Variants in ARHGAP32 observed in about 807,000 individuals in gnomAD.
ARHGAP32 encodes the protein Rho GTPase activating protein 32.
In ARHGAP32, 51 loss-of-function variants were observed where a neutral mutation model predicts 186.5. The observed-to-expected ratio is 0.27, with a 90% confidence interval of 0.22 to 0.35. The LOEUF is 0.35. Ranked by LOEUF, ARHGAP32 falls within the 10% of genes least tolerant of loss-of-function variation. The pLI is 1.00. For missense variants in ARHGAP32, 2,186 were observed against 2,623.5 expected, an observed-to-expected ratio of 0.83 and a Z score of 3.64; for synonymous variants, 950 against 964.3, an observed-to-expected ratio of 0.99 and a Z score of 0.27.
In ARHGAP32 at chr11:129,228,128, G is replaced by A. The variant is rs535574935; in HGVS notation, c.-5+51018C>T. 3.9e-3 allele frequency among the ~76,000 whole-genome samples: 586 copies of A among 151,988 alleles called. 2 individuals are homozygous for A. Among genetic ancestry groups the A allele is most frequent in the African/African-American group, 0.014 (560 of 41,480 alleles). On this transcript the variant is annotated intron_variant, in intron 1 of 6. Coordinates refer to the ARHGAP32 transcript ENST00000525234. ...AAATTAAACTCACTCCTAAATAATA[G>A]GTCAAAAAAGAATTCAGATGGGAAA...
At chr11:129,143,885 T>C (rs1943114089) in intron 2 of ARHGAP32, among the ~76,000 whole-genome samples, 1 of 152,180 alleles carries the variant, frequency 6.6e-6, no homozygotes, top group Non-Finnish European at 1.5e-5. Flanking sequence ...ATCAAGTACA[T>C]ATGTACTAGA....
intron 1 of ARHGAP32, among the ~76,000 whole-genome samples, chr11:129,166,398 A>G (rs1943641765): frequency 6.6e-6 from 1 of 152,120 alleles, no homozygotes; most frequent in African/African-American, 2.4e-5. Context: ...CAAACTAAAG[A>G]TTCAAAGAAA....
intron 6 of ARHGAP32, among the ~76,000 whole-genome samples, chr11:129,074,974 A>G (rs1940991095): frequency 6.6e-6 from 1 of 152,206 alleles, no homozygotes. Context: ...CGCACAACGC[A>G]TACACATATC....
At chr11:129,177,490 A>G (rs1487174555) in intron 1 of ARHGAP32, among the ~76,000 whole-genome samples, 1 of 152,228 alleles carries the variant, frequency 6.6e-6, no homozygotes, top group Non-Finnish European at 1.5e-5. Flanking sequence ...ACCAAAAAAG[A>G]GAATTTTAGA....
rs200378366 is a variant in ARHGAP32, at chr11:128,974,466, G to T, written c.2731C>A (p.Arg911=). 61 of 1,614,170 alleles carry T rather than the reference G, an allele frequency of 3.8e-5. No homozygotes were observed. Among genetic ancestry groups the T allele is most frequent in the Non-Finnish European group, 5.0e-5 (59 of 1,180,030 alleles). ...ATAGAAGGTGATTTGCTTAATTTCCGTCCTATCTTCGGAGAGAAAGCATAG... is the reference window on the plus strand; with the variant it reads ...ATAGAAGGTGATTTGCTTAATTTCCTTCCTATCTTCGGAGAGAAAGCATAG... ...VVYAFSPKIG[R]KLSKSPSMSI... is the part of the protein sequence containing the mutation. The change falls in exon 21 of 23, where the codon CGG becomes AGG. Residue 911 remains arginine (R), a synonymous_variant. Transcript: ENST00000682385.
intron 10 of ARHGAP32, among the ~76,000 whole-genome samples, chr11:129,060,395 C>A (rs1043823832): frequency 1.9e-4 from 28 of 146,806 alleles, no homozygotes; most frequent in African/African-American, 6.5e-4. Context: ...GATAGACAGA[C>A]AGACAGACAG....
At chr11:129,114,750 C>T (rs1259343099) in intron 5 of ARHGAP32, among the ~76,000 whole-genome samples, 2 of 151,974 alleles carry the variant, frequency 1.3e-5, no homozygotes, top group Admixed American at 6.6e-5. Context: ...TTTCCAAATC[C>T]CACATTTCTA....
chr11:129,088,410 T>C (rs989698383), intron 6 of ARHGAP32, among the ~76,000 whole-genome samples: 1 of 152,156 alleles, frequency 6.6e-6, no homozygotes, highest in African/African-American at 2.4e-5. Flanking sequence ...TGAAACCCCG[T>C]CTCTACTAAA....
At chr11:128,995,673 T>C (rs1329090243) in intron 12 of ARHGAP32, among the ~76,000 whole-genome samples, 1 of 152,146 alleles carries the variant, frequency 6.6e-6, no homozygotes, top group East Asian at 1.9e-4. Flanking sequence ...ATCCCACCTC[T>C]ACAAAAAATA....
chr11:129,067,956 G>A (rs1940749423), intron 6 of ARHGAP32, among the ~76,000 whole-genome samples: 1 of 152,066 alleles, frequency 6.6e-6, no homozygotes, highest in African/African-American at 2.4e-5. Flanking sequence ...CTCTTTCAGA[G>A]GGTTCTAAGA....
intron 11 of ARHGAP32, among the ~76,000 whole-genome samples, chr11:129,007,535 G>T (rs190558940): frequency 9.2e-5 from 14 of 152,072 alleles, no homozygotes; most frequent in Non-Finnish European, 1.3e-4. Flanking sequence ...CTAGAATGGG[G>T]GCCTCACAAC....
At chr11:129,278,691 C>A (rs1394647191) in intron 1 of ARHGAP32, among the ~76,000 whole-genome samples, 2 of 151,916 alleles carry the variant, frequency 1.3e-5, no homozygotes, top group Non-Finnish European at 2.9e-5. Flanking sequence ...GACCTCTGGC[C>A]CCGCGGGGCC....
chr11:129,243,011 A>G (rs1307876993), intron 1 of ARHGAP32, among the ~76,000 whole-genome samples: 2 of 152,046 alleles, frequency 1.3e-5, no homozygotes, highest in East Asian at 1.9e-4. Flanking sequence ...CTTAAGTACA[A>G]ATCCATATTC....
chr11:129,234,945 A>T (rs1423708826), intron 1 of ARHGAP32, among the ~76,000 whole-genome samples: 1 of 152,136 alleles, frequency 6.6e-6, no homozygotes, highest in Non-Finnish European at 1.5e-5. Flanking sequence ...GCCCCCAAAA[A>T]ATATATATCC....
At chr11:129,270,383 A>C (rs1431218405) in intron 1 of ARHGAP32, among the ~76,000 whole-genome samples, 1 of 152,206 alleles carries the variant, frequency 6.6e-6, no homozygotes, top group Non-Finnish European at 1.5e-5. Flanking sequence ...TGAATAGCCA[A>C]ATCACAGATG....
intron 2 of ARHGAP32, among the ~76,000 whole-genome samples, chr11:129,154,581 CA>C (rs1294926372): frequency 3.9e-5 from 6 of 152,116 alleles, no homozygotes; most frequent in Non-Finnish European, 8.8e-5. Flanking sequence ...GCATCCGTAG[CA>C]ACCTGGATGG....
chr11:129,113,746 T>A (rs920811702), intron 5 of ARHGAP32, among the ~76,000 whole-genome samples: 1 of 152,166 alleles, frequency 6.6e-6, no homozygotes, highest in African/African-American at 2.4e-5. Flanking sequence ...TCGCTATGTA[T>A]TTAATGAATA....
intron 1 of ARHGAP32, among the ~76,000 whole-genome samples, chr11:129,245,919 T>G (rs1945090521): frequency 6.6e-6 from 1 of 152,126 alleles, no homozygotes. Context: ...TGGAAGTTAT[T>G]TCACAGTATT....
chr11:129,260,159 A>G (rs569774628), intron 1 of ARHGAP32, among the ~76,000 whole-genome samples: 2 of 152,210 alleles, frequency 1.3e-5, no homozygotes, highest in South Asian at 4.1e-4. Flanking sequence ...ACACAACTGA[A>G]GAGCCATAGT....
Sources: gnomAD v4.1 joint callset for allele counts (sites outside exome capture counted in the v4.1 genomes callset) on GRCh38, gnomAD v4.1.1 for gene constraint, MANE v1.5 for transcripts, NCBI Gene and HGNC (gene_info 2026-07-23, HGNC 2026-07-21) for gene names.